The following GOLGA3 variants were observed in gnomAD, a reference collection of about 807,000 sequenced individuals.
The protein encoded by GOLGA3 is golgin subfamily A member 3.
A neutral mutation model predicts 169.4 loss-of-function variants in GOLGA3; 75 were observed. The observed-to-expected ratio is 0.44, with a 90% confidence interval of 0.37 to 0.54. GOLGA3 has a LOEUF of 0.54. GOLGA3 is among the 20% of genes least tolerant of loss of function. The probability of loss-of-function intolerance (pLI) is 0.00; values close to 1 mark genes in which losing one functional copy is unlikely to be tolerated. For missense variants in GOLGA3, 1,899 were observed against 1,930.0 expected, an observed-to-expected ratio of 0.98 and a Z score of 0.30; for synonymous variants, 824 against 822.4, an observed-to-expected ratio of 1.00 and a Z score of -0.03.
chr12:132,788,910 G>T (rs984913838), intron 13 of GOLGA3, 117 bp downstream of exon 13: 1 of 67,246 alleles, frequency 1.5e-5, no homozygotes, highest in Non-Finnish European at 2.7e-5. Context: ...CACAGGCCCC[G>T]ACCCAGACAG....
intron 11 of GOLGA3, among the ~76,000 whole-genome samples, chr12:132,792,747 GGGCTCC>G (rs1948611283): frequency 7.5e-6 from 1 of 133,936 alleles, no homozygotes. Context: ...TGCACTCGGA[GGGCTCC>G]ACACGGACTG....
rs2044898627 is a variant in GOLGA3 at position 132,771,596 on chromosome 12, GTGCC to G, written c.*1505_*1508del. ...GGAGAGCACAGCCACCTTCCTCACG[GTGCC>G]TGCCTGTCTCTTCCGGAAGTCGCCT... On this transcript the variant is annotated 3_prime_UTR_variant, in exon 24 of 24. Coordinates refer to ENST00000450791, the MANE Select transcript of GOLGA3 (RefSeq NM_001389683.1). The G allele has an allele frequency of 6.6e-6, 1 of 151,994 alleles. No individual in the cohort carries two copies. The highest frequency in any genetic ancestry group is 6.6e-5 in the Admixed American group (1 of 15,240). 9.4% of individuals were successfully genotyped at this position (151,994 alleles called of 1,614,324 possible).
chr12:132,804,617 C>A lies in GOLGA3; in HGVS notation c.1597+99G>T. The A allele has an allele frequency of 1.0e-6, 1 of 982,156 alleles. No individual in the cohort carries two copies. The highest frequency in any genetic ancestry group is 1.5e-5 in the South Asian group (1 of 68,282). The allele number at this position is 982,156 out of a possible 1,614,324, so 60.8% of individuals were successfully genotyped here. On this transcript the variant is annotated intron_variant, in intron 7 of 23. Transcript: ENST00000450791. The surrounding 1 kb of genome is among the most constrained non-coding windows in gnomAD (Gnocchi z 4.1). ...GGAGGAGGGAGCAGCAAGGACCAGT[C>A]AGGGAAGGAGGAGGGCGTGGCGGGG...
chr12:132,776,907 C>T, intron 20 of GOLGA3, 51 bp downstream of exon 20: 2 of 1,548,722 alleles, frequency 1.3e-6, no homozygotes, highest in Non-Finnish European at 1.7e-6. Flanking sequence ...TGAAGTCACC[C>T]AGGGCACCCG....
intron 23 of GOLGA3, 116 bp from the exon 24 acceptor site, chr12:132,773,410 C>T (rs1363731612): frequency 1.4e-5 from 8 of 573,010 alleles, no homozygotes; most frequent in African/African-American, 1.9e-5. Context: ...CTTCGGGGAT[C>T]CGCAAACCAA....
Position 132,772,556 on chromosome 12 carries a change from A to AAAC in GOLGA3, c.*548_*549insGTT, listed in dbSNP as rs1342398716. The AAAC allele has an allele frequency of 2.6e-5, 4 of 151,884 alleles. No individual in the cohort carries two copies. Among genetic ancestry groups the AAAC allele is most frequent in the East Asian group, 3.8e-4 (2 of 5,204 alleles). 9.4% of individuals were successfully genotyped at this position (151,884 alleles called of 1,614,324 possible). A position where few individuals can be genotyped will look rare whatever the true frequency, so the allele number is the denominator to read the frequency against. ...GAGACTCTGTCTCAAAAAAAAAAAA[A>AAAC]AAAAAAAAACAAAGATTGGATTATG... On this transcript the variant is annotated 3_prime_UTR_variant, in exon 24 of 24. Transcript: ENST00000450791.
chr12:132,796,465 C>T, intron 10 of GOLGA3, 74 bp downstream of exon 10: 1 of 1,487,290 alleles, frequency 6.7e-7, no homozygotes, highest in Non-Finnish European at 9.0e-7. Context: ...ACTGCTCGGT[C>T]TCCTTGTGTG....
At chr12:132,781,208 CCG>C (rs1313160395) in intron 17 of GOLGA3, among the ~76,000 whole-genome samples, 15 of 71,386 alleles carry the variant, frequency 2.1e-4, no homozygotes, top group African/African-American at 5.7e-4. Flanking sequence ...GATGGTACCA[CCG>C]CAGTGCCCTC....
Position 132,775,317 on chromosome 12 carries a change from G to T in GOLGA3, c.3979-12C>A, listed in dbSNP as rs369953478. The T allele has an allele frequency of 6.3e-7, 1 of 1,591,428 alleles. No homozygotes were observed. The highest frequency in any genetic ancestry group is 8.5e-7 in the Non-Finnish European group (1 of 1,169,736). On this transcript the variant is annotated splice_polypyrimidine_tract_variant and intron_variant, in intron 21 of 23. Coordinates refer to ENST00000450791, the MANE Select transcript of GOLGA3 (RefSeq NM_001389683.1). ...TCAGACTTGACGTTCTGTGGAAAAT[G>T]AAGTCAGATTTTTAAAAGCTAACAG...
chr12:132,798,745 C>T (rs988064209), intron 8 of GOLGA3, among the ~76,000 whole-genome samples: 1 of 152,222 alleles, frequency 6.6e-6, no homozygotes, highest in Non-Finnish European at 1.5e-5. Flanking sequence ...GCAGGACCTA[C>T]CCAAAAGTCC....
intron 4 of GOLGA3, among the ~76,000 whole-genome samples, chr12:132,812,297 G>C (rs887811716): frequency 3.3e-5 from 5 of 151,962 alleles, no homozygotes; most frequent in African/African-American, 1.2e-4. Context: ...TGTACAAGGA[G>C]GTGAATGTCG....
chr12:132,822,046 A>C lies in GOLGA3; in HGVS notation c.83T>G (p.Leu28Arg). ...SGPSSLPEAPLKPPGPLVPPD... is the reference protein window; with the variant it reads ...SGPSSLPEAPRKPPGPLVPPD... ...TGGCACCAGTGGGCCCGGGGGCTTC[A>C]GTGGGGCCTCGGGGAGAGACGAGGG... The change falls in exon 2 of 24, where the codon CTG becomes CGG. Residue 28 changes from leucine (L) to arginine (R), a missense_variant. Physicochemically the swap from Leu to Arg is moderately radical, Grantham distance 102. Coordinates refer to ENST00000450791, the MANE Select transcript of GOLGA3 (RefSeq NM_001389683.1). 3.1e-6 allele frequency: 5 copies of C among 1,608,092 alleles called. No individual in the cohort carries two copies. Among genetic ancestry groups the C allele is most frequent in the Non-Finnish European group, 4.2e-6 (5 of 1,177,882 alleles).
At position 132,774,302 on chromosome 12, in the gene GOLGA3, C is replaced by G. The variant is rs145054007; in HGVS notation, c.4162G>C (p.Glu1388Gln). The change falls in exon 23 of 24, where the codon GAG (glutamate) becomes CAG (glutamine). Residue 1388 changes from glutamate to glutamine, a missense_variant. Transcript: ENST00000450791. ...AAKTRKEPKG[E>Q]ASSSNPATPI... The stretch of plus-strand genomic sequence containing the variant: ...GTGGCAGGGTTGGAAGAGCTGGCCT[C>G]GCCTTTCGGCTCCTTTCTCTGTTTT... 2 of 1,612,138 alleles carry G rather than the reference C, an allele frequency of 1.2e-6. No homozygotes were observed. The highest frequency in any genetic ancestry group is 2.2e-5 in the South Asian group (2 of 91,086).
chr12:132,791,291 C>T lies in GOLGA3; in HGVS notation c.2472G>A (p.Val824=), dbSNP rs1444241591. 6 of 1,591,638 alleles carry T rather than the reference C, an allele frequency of 3.8e-6. No individual in the cohort carries two copies. In the Admixed American group the frequency reaches 1.0e-4, roughly 27 times the overall value. Residue 824 remains valine, a splice_region_variant and synonymous_variant, in exon 12 of 24, where the codon GTG becomes GTA. Coordinates refer to ENST00000450791, the MANE Select transcript of GOLGA3 (RefSeq NM_001389683.1). Reference sequence around the variant, plus strand: ...CAGCAGTCTCCTGCTGCAGGTGTTCCACCTGTGGGAGACATGTGCACAGAC... The same window carrying T: ...CAGCAGTCTCCTGCTGCAGGTGTTCTACCTGTGGGAGACATGTGCACAGAC... The part of the protein sequence containing the change: ...REELAIKSGQ[V]EHLQQETAAL...
rs571672839 is a variant in GOLGA3, at chr12:132,790,299, C to A, written c.2547+917G>T. Among the ~76,000 whole-genome samples, 8 of 152,020 alleles carry A rather than the reference C, an allele frequency of 5.3e-5. No individual in the cohort carries two copies. The South Asian group carries it at 1.2e-3, about 24-fold the overall frequency. On this transcript the variant is annotated intron_variant, in intron 12 of 23. Transcript: ENST00000450791. ...CAGTGAGCCGAGATCGCACCACTGC[C>A]CTCCAGCCTGGGGTACAGAGCGAGA...
rs780135362 is a variant in GOLGA3 at position 132,780,772 on chromosome 12, C to T, written c.3582+26G>A. On this transcript the variant is annotated intron_variant, in intron 18 of 23. Transcript: ENST00000450791. Reference sequence around the variant, plus strand: ...GGCACTGGAGCGTCCTCTGGAACGCCCTGTGAGACGGAAGGTGGCACGCAC... The same window carrying T: ...GGCACTGGAGCGTCCTCTGGAACGCTCTGTGAGACGGAAGGTGGCACGCAC... The T allele has an allele frequency of 2.1e-6, 3 of 1,445,016 alleles. No individual in the cohort carries two copies. In the South Asian group the frequency reaches 3.4e-5, roughly 16 times the overall value. 89.5% of individuals were successfully genotyped at this position (1,445,016 alleles called of 1,614,324 possible). A position where few individuals can be genotyped will look rare whatever the true frequency, so the allele number is the denominator to read the frequency against.
Position 132,808,453 on chromosome 12 carries a change from T to C in GOLGA3, c.616A>G (p.Met206Val), listed in dbSNP as rs983786198. ...ENLPRASTLAMTKEYSFLRTS... is the reference protein window; with the variant it reads ...ENLPRASTLAVTKEYSFLRTS... ...CGCAGGAAGGAATATTCTTTTGTCA[T>C]AGCCAGGGTACTGGCCCTTGGTAAG... The change falls in exon 5 of 24, where the codon ATG (methionine) becomes GTG (valine). Residue 206 changes from methionine to valine, a missense_variant. By Grantham distance (21) the Met-to-Val change is conservative (BLOSUM62 1). Transcript: ENST00000450791. The C allele has an allele frequency of 5.0e-6, 8 of 1,613,954 alleles. No individual in the cohort carries two copies. The highest frequency in any genetic ancestry group is 3.3e-4 in the Middle Eastern group (2 of 6,084).
chr12:132,824,760 T>C (rs1950343829), intron 1 of GOLGA3, among the ~76,000 whole-genome samples: 1 of 152,174 alleles, frequency 6.6e-6, no homozygotes, highest in South Asian at 2.1e-4. Context: ...CCTTAGAGCC[T>C]AGGCAGGGAT....
chr12:132,828,440 A>G (rs1415810827), intron 1 of GOLGA3: 1 of 152,262 alleles, frequency 6.6e-6, no homozygotes, highest in Non-Finnish European at 1.5e-5. Flanking sequence ...CTTCCCACGA[A>G]CCACCCGACA....
Sources: gnomAD v4.1 joint callset for allele counts (sites outside exome capture counted in the v4.1 genomes callset) on GRCh38, gnomAD v4.1.1 for gene constraint, Gnocchi (gnomAD v3.1) non-coding constraint, MANE v1.5 for transcripts, NCBI Gene and HGNC (gene_info 2026-07-23, HGNC 2026-07-21) for gene names.